TTLL11: variants seen among roughly 807,000 people sequenced by gnomAD.
TTLL11 encodes the protein tubulin polyglutamylase TTLL11.
In TTLL11, 42 loss-of-function variants were observed where a neutral mutation model predicts 51.7. That is an observed-to-expected ratio of 0.81 (90% CI 0.64 to 1.05). The LOEUF (loss-of-function observed/expected upper bound fraction) is 1.05, where lower values mean the gene tolerates loss of function less well. Ranked by LOEUF, TTLL11 falls within the 50% of genes least tolerant of loss-of-function variation. The pLI is 0.00. For missense variants in TTLL11, 799 were observed against 940.4 expected (o/e 0.85, Z 1.97); for synonymous variants, 381 against 383.5 (o/e 0.99, Z 0.08).
chr9:122,044,886 G>A (rs920942798), intron 1 of TTLL11, among the ~76,000 whole-genome samples: 3 of 151,960 alleles, frequency 2.0e-5, no homozygotes, highest in Non-Finnish European at 4.4e-5. Context: ...GACGCGGGAG[G>A]AGTTCAAGAC....
intron 1 of TTLL11, among the ~76,000 whole-genome samples, chr9:122,051,280 T>G (rs1260958342): frequency 2.0e-4 from 30 of 152,222 alleles, no homozygotes; most frequent in Admixed American, 2.0e-3. Flanking sequence ...CTCCAAAGAC[T>G]GCATTCCTTC....
rs182950079 is a variant in TTLL11, at chr9:121,974,887, G to A, written c.1362C>T (p.His454=). ...ANPSMRIEHE[H]ELSPGVFENV... ...ATGAGATGCTCAAAATACTTACTTC[G>A]TGCTCATGTTCGATTCTCATACTGG... Residue 454 remains histidine, a synonymous_variant, in exon 5 of 9, where the codon CAC becomes CAT. Transcript: ENST00000321582. 9.1e-6 allele frequency: 14 copies of A among 1,544,522 alleles called. No homozygotes were observed. Among genetic ancestry groups the A allele is most frequent in the African/African-American group, 2.7e-5 (2 of 72,802 alleles).
At chr9:122,022,031 T>C (rs1844195895) in intron 3 of TTLL11, among the ~76,000 whole-genome samples, 1 of 152,196 alleles carries the variant, frequency 6.6e-6, no homozygotes, top group East Asian at 1.9e-4. Context: ...AATGGGATTA[T>C]TCGACAAGAA....
chr9:121,943,094 C>T (rs1054788353), intron 6 of TTLL11, among the ~76,000 whole-genome samples: 29 of 152,114 alleles, frequency 1.9e-4, no homozygotes, highest in Non-Finnish European at 2.9e-4. Context: ...GAGTGCAAAA[C>T]GCCTTGGGTG....
At chr9:122,056,492 T>C (rs920151641) in intron 1 of TTLL11, among the ~76,000 whole-genome samples, 1 of 152,172 alleles carries the variant, frequency 6.6e-6, no homozygotes, top group African/African-American at 2.4e-5. Context: ...TTTAACCCTC[T>C]GGTACTGCAT....
chr9:121,817,885 G>A lies in TTLL11; in HGVS notation c.*4702C>T, dbSNP rs1379980757. 6.6e-6 allele frequency: 1 copy of A among 152,260 alleles called. No homozygotes were observed. Among genetic ancestry groups the A allele is most frequent in the African/African-American group, 2.4e-5 (1 of 41,452 alleles). The allele number at this position is 152,260 out of a possible 1,614,324, so 9.4% of individuals were successfully genotyped here. A position where few individuals can be genotyped will look rare whatever the true frequency, so the allele number is the denominator to read the frequency against. On this transcript the variant is annotated 3_prime_UTR_variant, in exon 9 of 9. Coordinates refer to ENST00000321582, the MANE Select transcript of TTLL11 (RefSeq NM_001139442.2). Reference sequence around the variant, plus strand: ...AGAGTGCCAGTGATCCTCATCCTTGGTGGGTTGGATGGATCTAGAAGTGCT... The same window carrying A: ...AGAGTGCCAGTGATCCTCATCCTTGATGGGTTGGATGGATCTAGAAGTGCT...
chr9:122,009,551 A>G (rs1194161272), intron 3 of TTLL11, among the ~76,000 whole-genome samples: 1 of 151,766 alleles, frequency 6.6e-6, no homozygotes, highest in Admixed American at 6.6e-5. Context: ...TATGTACTCT[A>G]TATACCATAA....
intron 6 of TTLL11, among the ~76,000 whole-genome samples, chr9:121,940,253 G>GC (rs1841397854): frequency 1.3e-5 from 2 of 152,060 alleles, no homozygotes; most frequent in Non-Finnish European, 2.9e-5. Context: ...ATTATGGGAA[G>GC]CCTACAGGCT....
At chr9:122,057,586 C>A (rs1845325998) in intron 1 of TTLL11, among the ~76,000 whole-genome samples, 2 of 152,238 alleles carry the variant, frequency 1.3e-5, no homozygotes, top group Admixed American at 6.5e-5. Flanking sequence ...CTCAACCTCC[C>A]AAATCGCTGG....
At chr9:121,944,652 T>C (rs974974516) in intron 6 of TTLL11, among the ~76,000 whole-genome samples, 4 of 152,204 alleles carry the variant, frequency 2.6e-5, no homozygotes, top group Non-Finnish European at 4.4e-5. Context: ...CAAATTCCTA[T>C]GTCATAAAGC....
At chr9:122,019,270 C>T (rs16911292) in intron 3 of TTLL11, among the ~76,000 whole-genome samples, 2,663 of 152,234 alleles carry the variant, frequency 0.017, 134 homozygotes, top group Admixed American at 0.11. Flanking sequence ...TCCCAATCTA[C>T]GCTATCCTCT....
intron 6 of TTLL11, among the ~76,000 whole-genome samples, chr9:121,958,762 G>A (rs892320307): frequency 6.6e-6 from 1 of 152,166 alleles, no homozygotes; most frequent in Non-Finnish European, 1.5e-5. Context: ...ACCTTGCGTG[G>A]TTGGGCAAAT....
chr9:121,881,544 G>A (rs1174741182), intron 6 of TTLL11, among the ~76,000 whole-genome samples: 1 of 152,138 alleles, frequency 6.6e-6, no homozygotes, highest in Non-Finnish European at 1.5e-5. Flanking sequence ...GAGGGCTCTC[G>A]CCACTTACCT....
intron 8 of TTLL11, among the ~76,000 whole-genome samples, chr9:121,826,527 ATG>A (rs1201618732): frequency 8.4e-5 from 4 of 47,818 alleles, no homozygotes; most frequent in African/African-American, 1.7e-4. Context: ...ATATATATAT[ATG>A]TGTGTGTGTA....
At chr9:121,975,292 A>G (rs1156553457) in intron 4 of TTLL11, among the ~76,000 whole-genome samples, 3 of 152,126 alleles carry the variant, frequency 2.0e-5, no homozygotes, top group Non-Finnish European at 4.4e-5. Context: ...TAGCCCATCA[A>G]TTTCTCCCTC....
chr9:121,872,433 T>C (rs1026615252), intron 6 of TTLL11, among the ~76,000 whole-genome samples: 4 of 152,236 alleles, frequency 2.6e-5, no homozygotes, highest in African/African-American at 9.6e-5. Flanking sequence ...GAAATTTCAC[T>C]CCTATTTCTA....
intron 6 of TTLL11, among the ~76,000 whole-genome samples, chr9:121,972,725 G>A (rs562973770): frequency 6.6e-6 from 1 of 152,374 alleles, no homozygotes; most frequent in South Asian, 2.1e-4. Flanking sequence ...ACTTTCTGTG[G>A]CCAGGCCTTC....
At chr9:122,013,299 T>C (rs899930647) in intron 3 of TTLL11, among the ~76,000 whole-genome samples, 1 of 152,156 alleles carries the variant, frequency 6.6e-6, no homozygotes, top group Non-Finnish European at 1.5e-5. Flanking sequence ...GAGTACAGGA[T>C]TGGGATCAGA....
chr9:122,016,597 G>A (rs893078363), intron 3 of TTLL11, among the ~76,000 whole-genome samples: 8 of 152,118 alleles, frequency 5.3e-5, no homozygotes, highest in South Asian at 2.1e-4. Context: ...AGCGGAGGAC[G>A]TTGTTCTCTG....
Sources: gnomAD v4.1 joint callset for allele counts (sites outside exome capture counted in the v4.1 genomes callset) on GRCh38, gnomAD v4.1.1 for gene constraint, MANE v1.5 for transcripts, NCBI Gene and HGNC (gene_info 2026-07-23, HGNC 2026-07-21) for gene names.